DDB2: variants seen among roughly 807,000 people sequenced by gnomAD.
DDB2 encodes damage specific DNA binding protein 2.
A neutral mutation model predicts 50.5 loss-of-function variants in DDB2; 27 were observed. The observed-to-expected ratio is 0.53, with a 90% CI of 0.39 to 0.74. The LOEUF (loss-of-function observed/expected upper bound fraction) is 0.74. DDB2 is among the 30% of genes least tolerant of loss of function. The probability of loss-of-function intolerance (pLI) is 0.00; values close to 1 mark genes in which losing one functional copy is unlikely to be tolerated. For synonymous variants in DDB2, 176 were observed against 205.5 expected (o/e 0.86, Z 1.23); for missense variants, 424 against 545.6 (o/e 0.78, Z 2.22).
chr11:47,223,221 A>T (rs1953510762), intron 3 of DDB2, among the ~76,000 whole-genome samples: 1 of 152,230 alleles, frequency 6.6e-6, no homozygotes, highest in South Asian at 2.1e-4. Context: ...GCTGTGGCTT[A>T]CGCCTGTAAT....
intron 3 of DDB2, among the ~76,000 whole-genome samples, chr11:47,230,694 C>T (rs531581574): frequency 6.6e-6 from 1 of 152,242 alleles, no homozygotes; most frequent in African/African-American, 2.4e-5. Context: ...GTTGTGATAG[C>T]TAAGTGGTTG....
chr11:47,218,292 C>T (rs1202420056), intron 3 of DDB2, among the ~76,000 whole-genome samples: 2 of 152,176 alleles, frequency 1.3e-5, no homozygotes, highest in African/African-American at 4.8e-5. Flanking sequence ...TTCCCAGTGC[C>T]TGGAACAAAG....
At position 47,215,113 on chromosome 11, in the gene DDB2, G is replaced by A. The variant is rs1953381423; in HGVS notation, c.-24G>A. 1.2e-6 allele frequency: 2 copies of A among 1,613,936 alleles called. No individual in the cohort carries two copies. The highest frequency in any genetic ancestry group is 2.2e-5 in the South Asian group (2 of 91,076). ...CTCCATGATCTTCGCATAGAGCACA[G>A]TACCCCTTCACACGGAGGACGCGAT... On this transcript the variant is annotated 5_prime_UTR_variant, in exon 1 of 10. Transcript: ENST00000256996.
chr11:47,215,684 G>A (rs1953391139), intron 1 of DDB2: 1 of 309,742 alleles, frequency 3.2e-6, no homozygotes, highest in South Asian at 2.9e-5. Context: ...ACTGGGGCTT[G>A]AACCTGGGGC....
chr11:47,217,188 C>T, intron 3 of DDB2, 139 bp downstream of exon 3: 1 of 704,496 alleles, frequency 1.4e-6, no homozygotes, highest in Non-Finnish European at 2.5e-6. Flanking sequence ...CCAGCCTGGC[C>T]AACATGGTGA....
intron 1 of DDB2, 23 bp from the exon 2 acceptor site, chr11:47,216,313 A>G: frequency 6.2e-7 from 1 of 1,614,024 alleles, no homozygotes; most frequent in Non-Finnish European, 8.5e-7. Flanking sequence ...TGGAGAGGAA[A>G]ATATGTCTGT....
intron 3 of DDB2, among the ~76,000 whole-genome samples, chr11:47,232,347 TA>T (rs1301087762): frequency 2.0e-5 from 3 of 148,586 alleles, no homozygotes; most frequent in Admixed American, 6.7e-5. Flanking sequence ...AAAATAAAAA[TA>T]AAAAAAAGAA....
rs149583624 is a variant in DDB2 at position 47,234,663 on chromosome 11, C to T, written c.693C>T (p.Asp231=). 3.2e-5 allele frequency: 52 copies of T among 1,614,116 alleles called. No homozygotes were observed. The highest frequency in any genetic ancestry group is 3.2e-4 in the African/African-American group (24 of 75,026). The change falls in exon 5 of 10, where the codon GAC becomes GAT. Residue 231 remains aspartate (D), a synonymous_variant. Transcript: ENST00000256996. ...GGAACGTGATCCTGCTGAACATGGA[C>T]GGCAAAGAGGTGCGTTCTCCGAGGT... ...NVGNVILLNM[D]GKELWNLRMH...
At chr11:47,230,222 C>T (rs915634873) in intron 3 of DDB2, among the ~76,000 whole-genome samples, 5 of 151,850 alleles carry the variant, frequency 3.3e-5, no homozygotes, top group Non-Finnish European at 7.4e-5. Flanking sequence ...ATTGCTTGAG[C>T]CCAGGAGGTT....
At chr11:47,215,807 C>A (rs767415233) in intron 1 of DDB2, 1 of 262,400 alleles carries the variant, frequency 3.8e-6, no homozygotes, top group Non-Finnish European at 7.5e-6. Context: ...GTGATTGGGT[C>A]CTCAAATACA....
In DDB2 at chr11:47,234,569, C is replaced by A; in HGVS notation, c.603-4C>A. 6.2e-7 allele frequency: 1 copy of A among 1,613,268 alleles called. No homozygotes were observed. The highest frequency in any genetic ancestry group is 1.1e-5 in the South Asian group (1 of 91,056). ...GAATCTTACAACACAGTCTCTCCCT[C>A]CAGCATCTGGTTTTGTAGCCTGGAT... On this transcript the variant is annotated splice_region_variant and splice_polypyrimidine_tract_variant and intron_variant, in intron 4 of 9. Coordinates refer to ENST00000256996, the MANE Select transcript of DDB2 (RefSeq NM_000107.3).
At position 47,221,306 on chromosome 11, in the gene DDB2, C is replaced by T. The variant is rs558968369; in HGVS notation, c.456+4257C>T. On this transcript the variant is annotated intron_variant, in intron 3 of 9. Coordinates refer to ENST00000256996, the MANE Select transcript of DDB2 (RefSeq NM_000107.3). The stretch of plus-strand genomic sequence containing the variant: ...TTTTTTTTTCCAAGTCTGAGTCTTG[C>T]TCTGTCGCTCAGGCTGGAGTGCAGT... Among the ~76,000 whole-genome samples the T allele has an allele frequency of 2.6e-5, 4 of 151,032 alleles. No individual in the cohort carries two copies. In the East Asian group the frequency reaches 5.9e-4, roughly 22 times the overall value.
Position 47,237,817 on chromosome 11 carries a change from C to T in DDB2, c.1024-20C>T. On this transcript the variant is annotated intron_variant, in intron 7 of 9. Transcript: ENST00000256996. Reference sequence around the variant, plus strand: ...TCATGTTCTGTGTTTACCCTCATGGCCGGCCTCTCCATCTCCTAGGCAGCC... The same window carrying T: ...TCATGTTCTGTGTTTACCCTCATGGTCGGCCTCTCCATCTCCTAGGCAGCC... 3 of 1,613,740 alleles carry T rather than the reference C, an allele frequency of 1.9e-6. No individual in the cohort carries two copies. The highest frequency in any genetic ancestry group is 2.5e-6 in the Non-Finnish European group (3 of 1,179,718).
At chr11:47,223,234 CA>C (rs767449553) in intron 3 of DDB2, among the ~76,000 whole-genome samples, 5 of 152,188 alleles carry the variant, frequency 3.3e-5, no homozygotes, top group Admixed American at 6.6e-5. Flanking sequence ...CCTGTAATCC[CA>C]GCATTTTGGG....
At chr11:47,233,953 A>G (rs1338086279) in intron 4 of DDB2, among the ~76,000 whole-genome samples, 1 of 152,174 alleles carries the variant, frequency 6.6e-6, no homozygotes, top group Non-Finnish European at 1.5e-5. Flanking sequence ...TTCATAGGGG[A>G]TGGCAAAAGG....
Position 47,238,195 on chromosome 11 carries a change from G to C in DDB2, c.1234+12G>C. On this transcript the variant is annotated intron_variant, in intron 9 of 9. Transcript: ENST00000256996. The stretch of plus-strand genomic sequence containing the variant: ...GGCCTCTGCAATGGGTGAGTAGGAG[G>C]AGAATGTCTCTGACTTGCCAAGTCC... 1 of 1,606,486 alleles carries C rather than the reference G, an allele frequency of 6.2e-7. No individual in the cohort carries two copies. The highest frequency in any genetic ancestry group is 8.5e-7 in the Non-Finnish European group (1 of 1,175,982).
At chr11:47,226,867 G>A (rs1415218503) in intron 3 of DDB2, among the ~76,000 whole-genome samples, 2 of 150,956 alleles carry the variant, frequency 1.3e-5, no homozygotes, top group Admixed American at 1.3e-4. Context: ...TTAGCCACCC[G>A]AGTAACTGGG....
At chr11:47,214,762 C>A (rs1353187642), upstream of DDB2, 2 of 344,044 alleles carry the variant, frequency 5.8e-6, no homozygotes, top group Non-Finnish European at 1.1e-5. Flanking sequence ...CAGAGCCAGA[C>A]CCTGTTGCTA....
At chr11:47,221,508 G>A (rs1353899139) in intron 3 of DDB2, among the ~76,000 whole-genome samples, 3 of 152,084 alleles carry the variant, frequency 2.0e-5, no homozygotes, top group Admixed American at 1.3e-4. Flanking sequence ...GCAGTAGCAC[G>A]ATCTCGGCCC....
Sources: allele counts gnomAD v4.1 joint callset (sites outside exome capture counted in the v4.1 genomes callset), GRCh38; gene constraint gnomAD v4.1.1; transcripts MANE v1.5; gene names NCBI Gene and HGNC (gene_info 2026-07-23, HGNC 2026-07-21).